The following SLBP variants were observed in gnomAD, a reference collection of about 807,000 sequenced individuals.
The protein encoded by SLBP is stem-loop histone mRNA binding protein, also known as histone RNA hairpin-binding protein.
SLBP carries 29 observed loss-of-function variants against 39.2 expected under a neutral mutation model. The observed-to-expected ratio is 0.74, with a 90% CI of 0.55 to 1.01. SLBP has a LOEUF of 1.01. Ranked by LOEUF, SLBP falls within the 50% of genes least tolerant of loss-of-function variation. The probability of loss-of-function intolerance (pLI) is 0.00; values close to 1 mark genes in which losing one functional copy is unlikely to be tolerated. For missense variants in SLBP, 390 were observed against 350.2 expected, an observed-to-expected ratio of 1.11 and a Z score of -0.91; for synonymous variants, 129 against 118.7, an observed-to-expected ratio of 1.09 and a Z score of -0.57.
Position 1,699,711 on chromosome 4 carries a change from C to T in SLBP, c.342-10G>A, listed in dbSNP as rs947604794. ...CTCCTTTGAATCAGAACTGAAAAAA[C>T]AACAGATTAACAGAATAAGCCCTGC... On this transcript the variant is annotated splice_polypyrimidine_tract_variant and intron_variant, in intron 4 of 7. Transcript: ENST00000489418. 2.5e-6 allele frequency: 4 copies of T among 1,612,674 alleles called. No homozygotes were observed. Among genetic ancestry groups the T allele is most frequent in the African/African-American group, 2.7e-5 (2 of 74,884 alleles).
Position 1,712,198 on chromosome 4 carries a change from G to C in SLBP, c.-10C>G, listed in dbSNP as rs904720337. 30 of 1,249,736 alleles carry C rather than the reference G, an allele frequency of 2.4e-5. No homozygotes were observed. Among genetic ancestry groups the C allele is most frequent in the Non-Finnish European group, 3.0e-5 (30 of 1,001,258 alleles). 77.4% of individuals were successfully genotyped at this position (1,249,736 alleles called of 1,614,324 possible). A position where few individuals can be genotyped will look rare whatever the true frequency, so the allele number is the denominator to read the frequency against. On this transcript the variant is annotated 5_prime_UTR_variant, in exon 1 of 8. Transcript: ENST00000489418. ...GCGGGCGGCAGGCCATGGCAGCACG[G>C]GCCGGGCGCGCAGCGCAGGGCCGAG...
chr4:1,708,085 G>GA (rs35817560), intron 2 of SLBP, among the ~76,000 whole-genome samples: 34,324 of 111,352 alleles, frequency 0.31, 4,785 homozygotes, highest in African/African-American at 0.36. Context: ...TCTCAAAAAC[G>GA]AAAAAAAAAA....
intron 2 of SLBP, among the ~76,000 whole-genome samples, chr4:1,709,897 C>A (rs536275661): frequency 6.6e-6 from 1 of 151,690 alleles, no homozygotes; most frequent in Admixed American, 6.6e-5. Context: ...CATGAGCCAC[C>A]GCGCCCGGCC....
intron 2 of SLBP, among the ~76,000 whole-genome samples, chr4:1,709,088 A>C (rs1158249904): frequency 6.7e-6 from 1 of 148,602 alleles, no homozygotes; most frequent in African/African-American, 2.5e-5. Flanking sequence ...TTTTTGAGAC[A>C]GTTTCACTCT....
chr4:1,702,460 T>A (rs970940240), intron 3 of SLBP, among the ~76,000 whole-genome samples: 3 of 152,190 alleles, frequency 2.0e-5, no homozygotes, highest in Non-Finnish European at 4.4e-5. Flanking sequence ...AAACAGGTAG[T>A]CTAGGTATCG....
chr4:1,694,579 C>G (rs942539484), intron 7 of SLBP, among the ~76,000 whole-genome samples, 195 bp downstream of exon 7: 1 of 151,650 alleles, frequency 6.6e-6, no homozygotes, highest in Non-Finnish European at 1.5e-5. Flanking sequence ...TTTGTAGAAA[C>G]AGGGTTTCAC....
intron 2 of SLBP, among the ~76,000 whole-genome samples, chr4:1,710,743 G>A (rs1265588724): frequency 1.4e-5 from 2 of 145,698 alleles, no homozygotes. Context: ...TATCTGCTTA[G>A]AAAAAAAAAA....
In SLBP at chr4:1,696,156, T is replaced by C. The variant is rs1577177028; in HGVS notation, c.629+46A>G. The C allele has an allele frequency of 2.0e-6, 3 of 1,519,634 alleles. No individual in the cohort carries two copies. Among genetic ancestry groups the C allele is most frequent in the South Asian group, 1.3e-5 (1 of 77,282 alleles). The allele number at this position is 1,519,634 out of a possible 1,614,324, so 94.1% of individuals were successfully genotyped here. A position where few individuals can be genotyped will look rare whatever the true frequency, so the allele number is the denominator to read the frequency against. On this transcript the variant is annotated intron_variant, in intron 6 of 7. Coordinates refer to ENST00000489418, the MANE Select transcript of SLBP (RefSeq NM_006527.4). ...AGTGGTGCGCAGCTGCTCCAGTCAC[T>C]GGACCAATCAGAGAATCACAGGACA... is the stretch of plus-strand genomic sequence containing the variant.
chr4:1,711,784 C>T, intron 2 of SLBP, 90 bp downstream of exon 2: 1 of 655,896 alleles, frequency 1.5e-6, no homozygotes, highest in Non-Finnish European at 2.2e-6. Flanking sequence ...CCTGACCGAT[C>T]CCGGCACCGC....
At position 1,696,333 on chromosome 4, in the gene SLBP, G is replaced by A. The variant is rs558242922; in HGVS notation, c.498C>T (p.Gly166=). 1.9e-6 allele frequency: 3 copies of A among 1,585,144 alleles called. No individual in the cohort carries two copies. The highest frequency in any genetic ancestry group is 2.7e-5 in the African/African-American group (2 of 73,344). ...KEVPRHLRQP[G]IHPKTPNKFK... is the part of the protein sequence containing the mutation. ...ATTTATTAGGGGTCTTGGGATGAAT[G>A]CCAGGTTGTCGAAGGTGTCTACAGG... Residue 166 remains glycine (G), a synonymous_variant, in exon 6 of 8, where the codon GGC becomes GGT. Transcript: ENST00000489418.
intron 3 of SLBP, among the ~76,000 whole-genome samples, chr4:1,702,352 C>T (rs1716358727): frequency 6.6e-6 from 1 of 152,142 alleles, no homozygotes; most frequent in African/African-American, 2.4e-5. Context: ...GAAGAAATGA[C>T]AAATAACTCC....
intron 2 of SLBP, 58 bp from the exon 3 acceptor site, chr4:1,703,758 T>C (rs1352352285): frequency 8.3e-7 from 1 of 1,202,576 alleles, no homozygotes; most frequent in Non-Finnish European, 1.2e-6. Flanking sequence ...TCTTTCAAAC[T>C]GTATGTCAAG....
intron 2 of SLBP, among the ~76,000 whole-genome samples, chr4:1,704,926 CTT>C (rs111864211): frequency 1.4e-5 from 2 of 146,984 alleles, no homozygotes; most frequent in South Asian, 2.2e-4. Context: ...CTGACCCATT[CTT>C]TTTTTTTTTT....
chr4:1,711,869 C>A lies in SLBP; in HGVS notation c.176+5G>T. On this transcript the variant is annotated splice_donor_5th_base_variant and intron_variant, in intron 2 of 7. Transcript: ENST00000489418. Reference sequence around the variant, plus strand: ...CGCGCCCCGACCCCCGGGTCCCGCGCCCACCTCTCGGGTCTGCGCTCGGCG... The same window carrying A: ...CGCGCCCCGACCCCCGGGTCCCGCGACCACCTCTCGGGTCTGCGCTCGGCG... 7.6e-7 allele frequency: 1 copy of A among 1,308,430 alleles called. No individual in the cohort carries two copies. The allele number at this position is 1,308,430 out of a possible 1,614,324, so 81.1% of individuals were successfully genotyped here.
At chr4:1,711,148 G>A (rs528239031) in intron 2 of SLBP, among the ~76,000 whole-genome samples, 3 of 137,178 alleles carry the variant, frequency 2.2e-5, no homozygotes, top group African/African-American at 7.5e-5. Flanking sequence ...GTGAAGTTGG[G>A]TCCGATTTTT....
rs545256812 is a variant in SLBP, at chr4:1,710,625, G to A, written c.176+1249C>T. ...AAGATCTACATGTTCCAAGAGAAAA[G>A]GAGCAGGTAGGGGAATAGTCAATTA... On this transcript the variant is annotated intron_variant, in intron 2 of 7. Coordinates refer to ENST00000489418, the MANE Select transcript of SLBP (RefSeq NM_006527.4). Among the ~76,000 whole-genome samples the A allele has an allele frequency of 3.3e-5, 5 of 152,320 alleles. No homozygotes were observed. In the South Asian group the frequency reaches 6.2e-4, roughly 19 times the overall value.
chr4:1,712,082 G>A, intron 1 of SLBP, 48 bp downstream of exon 1: 3 of 1,228,456 alleles, frequency 2.4e-6, no homozygotes, highest in Non-Finnish European at 3.0e-6. Flanking sequence ...CACAACCCCC[G>A]CCCCACGGGG....
chr4:1,711,334 C>G (rs1716760621), intron 2 of SLBP, among the ~76,000 whole-genome samples: 1 of 151,938 alleles, frequency 6.6e-6, no homozygotes, highest in South Asian at 2.1e-4. Context: ...GACGAGCCAC[C>G]CCAAAGCCCC....
intron 7 of SLBP, among the ~76,000 whole-genome samples, chr4:1,694,312 A>C (rs943488871): frequency 2.0e-5 from 3 of 151,964 alleles, no homozygotes; most frequent in Admixed American, 1.3e-4. Flanking sequence ...TGAACTCCTG[A>C]CTTCAGGTGA....
Sources: allele counts gnomAD v4.1 joint callset (sites outside exome capture counted in the v4.1 genomes callset), GRCh38; gene constraint gnomAD v4.1.1; transcripts MANE v1.5; gene names NCBI Gene and HGNC (gene_info 2026-07-23, HGNC 2026-07-21).